RBFOX1: variants seen among roughly 807,000 people sequenced by gnomAD.
RBFOX1 encodes RNA binding protein fox-1 homolog 1.
A neutral mutation model predicts 57.7 loss-of-function variants in RBFOX1; 8 were observed. That is an observed-to-expected ratio of 0.14 (90% CI 0.08 to 0.25). RBFOX1 has a LOEUF of 0.25. RBFOX1 is among the 10% of genes least tolerant of loss of function. RBFOX1 has a pLI of 1.00. For missense variants in RBFOX1, 611 were observed against 548.5 expected (o/e 1.11, Z -1.14); for synonymous variants, 326 against 222.4 (o/e 1.47, Z -4.15).
intron 4 of RBFOX1, among the ~76,000 whole-genome samples, chr16:7,230,859 T>A (rs2093458039): frequency 6.6e-6 from 1 of 152,232 alleles, no homozygotes; most frequent in Non-Finnish European, 1.5e-5. Flanking sequence ...CAGCTCATTT[T>A]ATTCCTGGAC....
At chr16:7,162,104 G>C (rs1238746539) in intron 4 of RBFOX1, among the ~76,000 whole-genome samples, 1 of 152,204 alleles carries the variant, frequency 6.6e-6, no homozygotes, top group African/African-American at 2.4e-5. Flanking sequence ...TGTCTTGCCA[G>C]AGAAACCCCT....
chr16:6,124,068 A>G (rs1242774218), intron 1 of RBFOX1, among the ~76,000 whole-genome samples: 2 of 152,192 alleles, frequency 1.3e-5, no homozygotes, highest in Non-Finnish European at 2.9e-5. Context: ...TGTGAGACAT[A>G]GGCTGGAGAC....
intron 1 of RBFOX1, among the ~76,000 whole-genome samples, chr16:6,254,283 C>A (rs1272367544): frequency 6.6e-6 from 1 of 152,126 alleles, no homozygotes; most frequent in Non-Finnish European, 1.5e-5. Context: ...GAACGTTTAT[C>A]TCTCTAAATA....
At chr16:6,786,165 C>A (rs1362778682) in intron 3 of RBFOX1, among the ~76,000 whole-genome samples, 6 of 152,076 alleles carry the variant, frequency 3.9e-5, no homozygotes, top group African/African-American at 1.4e-4. Context: ...GGGGGCCAGG[C>A]GAAGATTCCC....
intron 11 of RBFOX1, among the ~76,000 whole-genome samples, chr16:7,647,704 T>G (rs536747812): frequency 3.5e-4 from 53 of 152,348 alleles, no homozygotes; most frequent in African/African-American, 1.3e-3. Context: ...AATATTTTAT[T>G]TCATATTCTA....
chr16:6,413,592 A>G (rs1405162349), intron 2 of RBFOX1, among the ~76,000 whole-genome samples: 1 of 152,208 alleles, frequency 6.6e-6, no homozygotes, highest in Non-Finnish European at 1.5e-5. Context: ...ATCGGTCAAA[A>G]CAATTGACAG....
At position 6,483,244 on chromosome 16, in the gene RBFOX1, G is replaced by T. The variant is rs575539699; in HGVS notation, c.-64+166187G>T. On this transcript the variant is annotated intron_variant, in intron 2 of 15. Coordinates refer to ENST00000550418, the MANE Select transcript of RBFOX1 (RefSeq NM_018723.4). ...GGACCCGGGCCCTGGCGCCGCCGTG[G>T]CCTCCCTTTGTGCGCGCCCGGGTGT... is the stretch of plus-strand genomic sequence containing the variant. The T allele has an allele frequency of 3.9e-5, 49 of 1,254,078 alleles. No individual in the cohort carries two copies. In the African/African-American group the frequency reaches 7.7e-4, roughly 20 times the overall value. The allele number at this position is 1,254,078 out of a possible 1,614,324, so 77.7% of individuals were successfully genotyped here.
At chr16:7,132,487 C>G (rs1010011871) in intron 4 of RBFOX1, among the ~76,000 whole-genome samples, 1 of 144,458 alleles carries the variant, frequency 6.9e-6, no homozygotes, top group African/African-American at 2.6e-5. Flanking sequence ...CACACAGTCA[C>G]TTTATCTTGA....
At chr16:6,862,320 C>T (rs910275131) in intron 3 of RBFOX1, among the ~76,000 whole-genome samples, 2 of 152,128 alleles carry the variant, frequency 1.3e-5, no homozygotes, top group Non-Finnish European at 2.9e-5. Flanking sequence ...TGAACAAGCT[C>T]ACAGGCGATG....
chr16:6,857,624 G>C (rs771529646), intron 3 of RBFOX1, among the ~76,000 whole-genome samples: 15 of 152,120 alleles, frequency 9.9e-5, no homozygotes, highest in African/African-American at 3.6e-4. Flanking sequence ...TTTATTTTCA[G>C]TGTTAAACTG....
At chr16:6,601,210 G>C (rs1437754119) in intron 2 of RBFOX1, among the ~76,000 whole-genome samples, 1 of 152,102 alleles carries the variant, frequency 6.6e-6, no homozygotes, top group Non-Finnish European at 1.5e-5. Context: ...ATCATGAAAT[G>C]GAAGAGTCTT....
intron 3 of RBFOX1, among the ~76,000 whole-genome samples, chr16:5,814,519 A>G (rs187579796): frequency 6.2e-4 from 94 of 152,366 alleles, no homozygotes; most frequent in African/African-American, 2.2e-3. Context: ...CCCAATTCAC[A>G]GATGAGGAAA....
At chr16:7,161,579 C>T (rs1479115826) in intron 4 of RBFOX1, among the ~76,000 whole-genome samples, 1 of 152,028 alleles carries the variant, frequency 6.6e-6, no homozygotes, top group African/African-American at 2.4e-5. Flanking sequence ...AGGCTGTGTA[C>T]CTACTAAGAA....
intron 4 of RBFOX1, among the ~76,000 whole-genome samples, chr16:5,987,470 C>G (rs998963038): frequency 6.6e-6 from 1 of 152,110 alleles, no homozygotes; most frequent in Non-Finnish European, 1.5e-5. Flanking sequence ...CCATCATTTT[C>G]TTTTATATTT....
At chr16:5,311,348 G>T (rs763154597) in intron 1 of RBFOX1, among the ~76,000 whole-genome samples, 18 of 152,138 alleles carry the variant, frequency 1.2e-4, no homozygotes, top group Admixed American at 3.3e-4. Context: ...ATTGTGAACT[G>T]TGCTGCAATA....
At chr16:7,420,926 C>T (rs559804974) in intron 4 of RBFOX1, among the ~76,000 whole-genome samples, 67 of 139,882 alleles carry the variant, frequency 4.8e-4, no homozygotes, top group East Asian at 8.2e-4. Flanking sequence ...TATATATATA[C>T]ACATATATAT....
At chr16:6,157,255 T>G (rs963724773) in intron 1 of RBFOX1, among the ~76,000 whole-genome samples, 2 of 152,146 alleles carry the variant, frequency 1.3e-5, no homozygotes, top group Non-Finnish European at 2.9e-5. Context: ...GATACAACTT[T>G]CAGTGTACAC....
intron 1 of RBFOX1, among the ~76,000 whole-genome samples, chr16:6,164,828 T>G (rs1392113813): frequency 6.6e-6 from 1 of 152,142 alleles, no homozygotes; most frequent in Non-Finnish European, 1.5e-5. Context: ...ACAAGAAGAC[T>G]GTCGATGTAC....
At chr16:6,124,143 T>C (rs566528269) in intron 1 of RBFOX1, among the ~76,000 whole-genome samples, 26 of 152,248 alleles carry the variant, frequency 1.7e-4, no homozygotes, top group African/African-American at 6.0e-4. Context: ...GTTTGTATTA[T>C]TTGTCAGCAT....
Sources: allele counts gnomAD v4.1 joint callset (sites outside exome capture counted in the v4.1 genomes callset), GRCh38; gene constraint gnomAD v4.1.1; transcripts MANE v1.5; gene names NCBI Gene and HGNC (gene_info 2026-07-23, HGNC 2026-07-21).